Variants in SAMD4A observed in about 807,000 individuals in gnomAD.
The protein encoded by SAMD4A is protein Smaug homolog 1.
In SAMD4A, 33 loss-of-function variants were observed where a neutral mutation model predicts 81.3. The ratio of observed to expected loss-of-function variants is 0.41; its 90% confidence interval spans 0.31 to 0.54. The LOEUF is 0.54. SAMD4A is among the 20% of genes least tolerant of loss of function. The pLI, the probability that SAMD4A is intolerant of heterozygous loss-of-function variation, is 0.37. For missense variants in SAMD4A, 854 were observed against 951.1 expected, an observed-to-expected ratio of 0.90 and a Z score of 1.34; for synonymous variants, 389 against 382.1, an observed-to-expected ratio of 1.02 and a Z score of -0.21.
chr14:54,584,002 A>G (rs942208338), intron 2 of SAMD4A, among the ~76,000 whole-genome samples: 16 of 152,176 alleles, frequency 1.1e-4, no homozygotes, highest in Admixed American at 9.8e-4. Flanking sequence ...GTGCCTTCTA[A>G]AATGCAGGTG....
chr14:54,737,654 A>G (rs1317502905), intron 4 of SAMD4A, among the ~76,000 whole-genome samples: 1 of 148,186 alleles, frequency 6.7e-6, no homozygotes, highest in East Asian at 2.0e-4. Flanking sequence ...CCAACCTTGT[A>G]CCTCATTGCT....
chr14:54,663,474 A>C (rs1363701964), intron 2 of SAMD4A, among the ~76,000 whole-genome samples: 1 of 152,204 alleles, frequency 6.6e-6, no homozygotes, highest in African/African-American at 2.4e-5. Context: ...TTCGCACCAC[A>C]TGAAGCATGA....
At chr14:54,771,502 C>T (rs1427615049) in intron 9 of SAMD4A, among the ~76,000 whole-genome samples, 2 of 152,290 alleles carry the variant, frequency 1.3e-5, no homozygotes, top group Non-Finnish European at 2.9e-5. Context: ...AAGCGACACT[C>T]TTCAGGACCA....
At chr14:54,666,724 C>T (rs2035766306) in intron 2 of SAMD4A, among the ~76,000 whole-genome samples, 1 of 152,102 alleles carries the variant, frequency 6.6e-6, no homozygotes, top group African/African-American at 2.4e-5. Flanking sequence ...ACTGAGAAGA[C>T]AAATGATTCC....
At chr14:54,626,788 A>C (rs148002460) in intron 2 of SAMD4A, among the ~76,000 whole-genome samples, 81 of 152,314 alleles carry the variant, frequency 5.3e-4, no homozygotes, top group Non-Finnish European at 9.7e-4. Context: ...TTCACTGAAA[A>C]GTTCTTAATA....
At chr14:54,687,143 C>T (rs1204595083) in intron 2 of SAMD4A, among the ~76,000 whole-genome samples, 2 of 152,226 alleles carry the variant, frequency 1.3e-5, no homozygotes, top group Non-Finnish European at 2.9e-5. Flanking sequence ...ATACAGAAAA[C>T]TTCTAACATT....
chr14:54,773,594 A>G (rs2038761121), intron 9 of SAMD4A, among the ~76,000 whole-genome samples: 1 of 152,242 alleles, frequency 6.6e-6, no homozygotes, highest in Non-Finnish European at 1.5e-5. Flanking sequence ...CAGCGCCGGC[A>G]TCTGCACGTG....
intron 3 of SAMD4A, among the ~76,000 whole-genome samples, chr14:54,718,121 C>T (rs2037167533): frequency 6.6e-6 from 1 of 152,156 alleles, no homozygotes; most frequent in Admixed American, 6.5e-5. Context: ...AGCAGTTGCC[C>T]AGAGAAAAGC....
At chr14:54,655,312 C>G (rs2035494977) in intron 2 of SAMD4A, among the ~76,000 whole-genome samples, 1 of 152,194 alleles carries the variant, frequency 6.6e-6, no homozygotes. Context: ...CCTTGAGGAA[C>G]ACAGAATCAG....
At chr14:54,752,133 A>G (rs1469049434) in intron 6 of SAMD4A, among the ~76,000 whole-genome samples, 1 of 152,226 alleles carries the variant, frequency 6.6e-6, no homozygotes, top group Admixed American at 6.5e-5. Flanking sequence ...AAAATGCTAA[A>G]TGCTGAAAAA....
intron 2 of SAMD4A, among the ~76,000 whole-genome samples, chr14:54,685,279 C>A (rs541406210): frequency 1.4e-5 from 2 of 148,146 alleles, no homozygotes; most frequent in Admixed American, 6.7e-5. Context: ...TTCCTGCCCC[C>A]CCCCCCAGCT....
At chr14:54,622,156 G>T (rs550205084) in intron 2 of SAMD4A, among the ~76,000 whole-genome samples, 117 of 152,238 alleles carry the variant, frequency 7.7e-4, no homozygotes, top group African/African-American at 2.3e-3. Flanking sequence ...GGGGAGAAAA[G>T]CATTTTTCTT....
rs560978874 is a variant in SAMD4A at position 54,710,697 on chromosome 14, C to A, written c.715+8117C>A. On this transcript the variant is annotated intron_variant, in intron 3 of 12. Transcript: ENST00000554335. ...AGACCCTGCCTGAATTGCCCCATCT[C>A]TGTGACTCTCTGAAGCAGGGAGCAG... Among the ~76,000 whole-genome samples, 14 of 152,280 alleles carry A rather than the reference C, an allele frequency of 9.2e-5. No homozygotes were observed. The South Asian group carries it at 2.9e-3, about 32-fold the overall frequency.
At chr14:54,635,061 G>C (rs968883672) in intron 2 of SAMD4A, among the ~76,000 whole-genome samples, 27 of 152,090 alleles carry the variant, frequency 1.8e-4, no homozygotes, top group African/African-American at 6.5e-4. Flanking sequence ...AGATAAAAGT[G>C]AGTCTCATTT....
At chr14:54,724,714 G>GA (rs2037369977) in intron 3 of SAMD4A, among the ~76,000 whole-genome samples, 1 of 152,104 alleles carries the variant, frequency 6.6e-6, no homozygotes, top group Admixed American at 6.5e-5. Flanking sequence ...AAATATGCAG[G>GA]AAAAACCAGA....
intron 8 of SAMD4A, among the ~76,000 whole-genome samples, chr14:54,767,514 T>C (rs1019971086): frequency 6.6e-6 from 1 of 152,240 alleles, no homozygotes; most frequent in African/African-American, 2.4e-5. Flanking sequence ...TCTGAGAAGA[T>C]GAGCTCTTGC....
chr14:54,633,401 T>C (rs1481613432), intron 2 of SAMD4A, among the ~76,000 whole-genome samples: 2 of 152,158 alleles, frequency 1.3e-5, no homozygotes, highest in African/African-American at 4.8e-5. Context: ...GCAGGATTCA[T>C]ATAGACCCGA....
intron 2 of SAMD4A, among the ~76,000 whole-genome samples, chr14:54,623,256 A>G (rs1190415295): frequency 1.3e-5 from 2 of 151,918 alleles, no homozygotes; most frequent in African/African-American, 2.4e-5. Flanking sequence ...TATTGCTCCT[A>G]TGTTTTTGCT....
intron 2 of SAMD4A, among the ~76,000 whole-genome samples, chr14:54,619,128 G>A (rs1241524479): frequency 6.6e-6 from 1 of 152,062 alleles, no homozygotes; most frequent in African/African-American, 2.4e-5. Flanking sequence ...AGAATGAACT[G>A]TAAGTGGGAA....
Sources: allele counts gnomAD v4.1 joint callset (sites outside exome capture counted in the v4.1 genomes callset), GRCh38; gene constraint gnomAD v4.1.1; transcripts MANE v1.5; gene names NCBI Gene and HGNC (gene_info 2026-07-23, HGNC 2026-07-21).